The following DYM variants were observed in gnomAD, a reference collection of about 807,000 sequenced individuals.
DYM encodes the protein dymeclin, also known as dyggve-Melchior-Clausen syndrome protein.
In DYM, 78 loss-of-function variants were observed where a neutral mutation model predicts 93.1. That is an observed-to-expected ratio of 0.84 (90% confidence interval 0.70 to 1.01). The LOEUF (loss-of-function observed/expected upper bound fraction) is 1.01. Ranked by LOEUF, DYM falls within the 50% of genes least tolerant of loss-of-function variation. The pLI, the probability that DYM is intolerant of heterozygous loss-of-function variation, is 0.00. For synonymous variants in DYM, 321 were observed against 319.7 expected, an observed-to-expected ratio of 1.00 and a Z score of -0.04; for missense variants, 789 against 845.0, an observed-to-expected ratio of 0.93 and a Z score of 0.82.
intron 1 of DYM, among the ~76,000 whole-genome samples, chr18:49,450,724 C>A (rs898029178): frequency 6.6e-6 from 1 of 152,088 alleles, no homozygotes; most frequent in Non-Finnish European, 1.5e-5. Flanking sequence ...AATATATGTT[C>A]CAAAATTGTA....
chr18:49,445,693 A>G (rs550604658), intron 1 of DYM, among the ~76,000 whole-genome samples: 30 of 152,274 alleles, frequency 2.0e-4, no homozygotes, highest in African/African-American at 7.2e-4. Context: ...TTTACTGACA[A>G]AGCTGAAAAA....
rs1235934406 is a variant in DYM, at chr18:49,331,857, A to C, written c.763+7T>G. On this transcript the variant is annotated splice_region_variant and intron_variant, in intron 8 of 17. Transcript: ENST00000675505. ...CCAAAGAATTGAAAAAATCTGATAA[A>C]ACTTACTTGCTACTCCTGATGCAAG... is the stretch of plus-strand genomic sequence containing the variant. 6.2e-7 allele frequency: 1 copy of C among 1,614,010 alleles called. No individual in the cohort carries two copies.
At chr18:49,405,012 C>CA (rs199975015) in intron 2 of DYM, among the ~76,000 whole-genome samples, 39,905 of 101,616 alleles carry the variant, frequency 0.39, 7,428 homozygotes, top group Non-Finnish European at 0.5. Context: ...GACTCCATCT[C>CA]AAAAAAAAAA....
At chr18:49,146,323 C>T (rs868857957) in intron 15 of DYM, among the ~76,000 whole-genome samples, 7 of 152,154 alleles carry the variant, frequency 4.6e-5, no homozygotes, top group East Asian at 1.9e-4. Context: ...CTATTCAACA[C>T]AGTGTTGGAA....
At chr18:49,442,289 A>T (rs2081705675) in intron 1 of DYM, among the ~76,000 whole-genome samples, 2 of 152,182 alleles carry the variant, frequency 1.3e-5, no homozygotes, top group African/African-American at 4.8e-5. Flanking sequence ...TGACTCCTAG[A>T]ATCCCAGCGC....
At chr18:49,267,062 A>G (rs956579354) in intron 11 of DYM, among the ~76,000 whole-genome samples, 1 of 152,202 alleles carries the variant, frequency 6.6e-6, no homozygotes, top group African/African-American at 2.4e-5. Context: ...AACAATCAAT[A>G]GACTCAAAAG....
chr18:49,412,261 A>G (rs2072341379), intron 2 of DYM, among the ~76,000 whole-genome samples: 1 of 148,030 alleles, frequency 6.8e-6, no homozygotes, highest in Admixed American at 6.8e-5. Context: ...AAAAATTCCA[A>G]CCAACACAGT....
intron 8 of DYM, among the ~76,000 whole-genome samples, chr18:49,303,288 C>T (rs1308065707): frequency 6.6e-6 from 1 of 152,168 alleles, no homozygotes; most frequent in African/African-American, 2.4e-5. Context: ...TGTCTCTTTG[C>T]AGGCCTGCTC....
chr18:49,254,885 C>T (rs1309201642), intron 13 of DYM, among the ~76,000 whole-genome samples: 4 of 152,104 alleles, frequency 2.6e-5, no homozygotes, highest in African/African-American at 9.7e-5. Flanking sequence ...AGCATGGTGA[C>T]AAAGGTTAAC....
In DYM at chr18:49,370,280, GAAA is replaced by G. The variant is rs35985394; in HGVS notation, c.422-7050_422-7048del. ...GAAACAAGAGCGAAACTCCATCTCA[GAAA>G]AAAAAAAAAAAAAAAACAAAACAGG... On this transcript the variant is annotated intron_variant, in intron 5 of 17. Transcript: ENST00000675505. Among the ~76,000 whole-genome samples, 20 of 121,022 alleles carry G rather than the reference GAAA, an allele frequency of 1.7e-4. No homozygotes were observed. In the South Asian group the frequency reaches 5.1e-3, roughly 31 times the overall value. The allele number at this position is 121,022 out of a possible 152,430, so 79.4% of individuals were successfully genotyped here. A position where few individuals can be genotyped will look rare whatever the true frequency, so the allele number is the denominator to read the frequency against.
At chr18:49,191,574 T>C (rs979174959) in intron 14 of DYM, among the ~76,000 whole-genome samples, 1 of 152,166 alleles carries the variant, frequency 6.6e-6, no homozygotes, top group African/African-American at 2.4e-5. Context: ...CCAGACTAAA[T>C]GGAAAATAAA....
At chr18:49,156,732 C>CAAA (rs1224742522) in intron 15 of DYM, among the ~76,000 whole-genome samples, 3 of 63,176 alleles carry the variant, frequency 4.7e-5, no homozygotes, top group Non-Finnish European at 7.0e-5. Context: ...AACGCTGTCT[C>CAAA]AAAAAAAAAA....
At chr18:49,367,234 A>C in intron 5 of DYM, among the ~76,000 whole-genome samples, 1 of 152,184 alleles carries the variant, frequency 6.6e-6, no homozygotes, top group Non-Finnish European at 1.5e-5. Context: ...AATATAAGCT[A>C]TTATCATCCG....
At position 49,107,138 on chromosome 18, in the gene DYM, C is replaced by T. The variant is rs542873721; in HGVS notation, c.1912-9623G>A. Among the ~76,000 whole-genome samples, 9 of 152,228 alleles carry T rather than the reference C, an allele frequency of 5.9e-5. No homozygotes were observed. In the South Asian group the frequency reaches 1.0e-3, roughly 18 times the overall value. On this transcript the variant is annotated intron_variant, in intron 16 of 17. Coordinates refer to ENST00000675505, the MANE Select transcript of DYM (RefSeq NM_001353214.3). ...TCTTTTTTCTCTAAACTTCTCTTCTCGCTTCATTTCATTCATTTGATCTTC... is the reference window on the plus strand; with the variant it reads ...TCTTTTTTCTCTAAACTTCTCTTCTTGCTTCATTTCATTCATTTGATCTTC...
chr18:49,392,777 C>T (rs2069436361), intron 2 of DYM, among the ~76,000 whole-genome samples: 1 of 144,686 alleles, frequency 6.9e-6, no homozygotes, highest in Admixed American at 7.0e-5. Context: ...GGGCAGATAA[C>T]TTGAGGTCAG....
intron 13 of DYM, among the ~76,000 whole-genome samples, chr18:49,230,288 G>C (rs1165816661): frequency 2.0e-5 from 3 of 152,124 alleles, no homozygotes; most frequent in Non-Finnish European, 4.4e-5. Flanking sequence ...TGTATTCAAG[G>C]GAAGAAGAAA....
rs572395831 is a variant in DYM at position 49,169,582 on chromosome 18, T to C, written c.1626-5795A>G. Among the ~76,000 whole-genome samples the C allele has an allele frequency of 2.6e-5, 4 of 152,244 alleles. No individual in the cohort carries two copies. The East Asian group carries it at 7.7e-4, about 29-fold the overall frequency. On this transcript the variant is annotated intron_variant, in intron 14 of 17. Coordinates refer to ENST00000675505, the MANE Select transcript of DYM (RefSeq NM_001353214.3). ...AGTGATCAACGCAAAACTGCTGTGTTTGGTATTGAGGTGTGAGGTGGGAGG... is the reference window on the plus strand; with the variant it reads ...AGTGATCAACGCAAAACTGCTGTGTCTGGTATTGAGGTGTGAGGTGGGAGG...
intron 8 of DYM, among the ~76,000 whole-genome samples, chr18:49,315,379 T>C (rs1455294176): frequency 4.6e-5 from 7 of 152,104 alleles, no homozygotes; most frequent in Admixed American, 1.3e-4. Flanking sequence ...GGAGGAAAAA[T>C]AGGCATGGCA....
chr18:49,250,610 C>T (rs1165313139), intron 13 of DYM, among the ~76,000 whole-genome samples: 3 of 152,218 alleles, frequency 2.0e-5, no homozygotes, highest in Admixed American at 1.3e-4. Flanking sequence ...GCAGCTTGGT[C>T]CAAACAAAAG....
Sources: allele counts gnomAD v4.1 joint callset (sites outside exome capture counted in the v4.1 genomes callset), GRCh38; gene constraint gnomAD v4.1.1; transcripts MANE v1.5; gene names NCBI Gene and HGNC (gene_info 2026-07-23, HGNC 2026-07-21).